Variants in MON2 observed in about 807,000 individuals in gnomAD.
MON2 encodes the protein protein MON2 homolog.
A neutral mutation model predicts 208.6 loss-of-function variants in MON2; 84 were observed. That is an observed-to-expected ratio of 0.40 (90% CI 0.34 to 0.48). The LOEUF (loss-of-function observed/expected upper bound fraction) is 0.48, where lower values mean the gene tolerates loss of function less well. Among genes scored for constraint, MON2 ranks in the 20% least tolerant of loss-of-function variants. The pLI, the probability that MON2 is intolerant of heterozygous loss-of-function variation, is 0.59. For missense variants in MON2, 1,611 were observed against 2,015.4 expected, an observed-to-expected ratio of 0.80 and a Z score of 3.84; for synonymous variants, 660 against 694.0, an observed-to-expected ratio of 0.95 and a Z score of 0.77.
chr12:62,523,773 T>C (rs1281993396), intron 8 of MON2, among the ~76,000 whole-genome samples: 1 of 152,172 alleles, frequency 6.6e-6, no homozygotes, highest in African/African-American at 2.4e-5. Context: ...GTCAGCTTAA[T>C]TTTTACCTCC....
rs537801195 is a variant in MON2, at chr12:62,520,430, G to A, written c.985-4085G>A. Among the ~76,000 whole-genome samples, 665 of 76,420 alleles carry A rather than the reference G, an allele frequency of 8.7e-3. 7 individuals carry two copies. The highest frequency in any genetic ancestry group is 0.041 in the African/African-American group (631 of 15,428). The allele number at this position is 76,420 out of a possible 152,430, so 50.1% of individuals were successfully genotyped here. On this transcript the variant is annotated intron_variant, in intron 8 of 34. Coordinates refer to ENST00000393630, the MANE Select transcript of MON2 (RefSeq NM_015026.3). ...AGTTGTTTACCCTAAAGTGACAGGC[G>A]TACTTTATTTTTGAGAAACTGTTTG...
intron 14 of MON2, among the ~76,000 whole-genome samples, chr12:62,536,485 A>T (rs756469887): frequency 2.0e-5 from 3 of 152,090 alleles, no homozygotes; most frequent in Non-Finnish European, 4.4e-5. Flanking sequence ...ACATGCTAAT[A>T]CTCAGTTTTC....
At chr12:62,525,899 G>A (rs1183284837) in intron 10 of MON2, 50 bp from the exon 11 acceptor site, 1 of 1,565,536 alleles carries the variant, frequency 6.4e-7, no homozygotes, top group East Asian at 2.3e-5. Flanking sequence ...CTGATTTGTA[G>A]TCAAGTAGTA....
In MON2 at chr12:62,470,363, A is replaced by G. The variant is rs149644718; in HGVS notation, c.111+3045A>G. On this transcript the variant is annotated intron_variant, in intron 1 of 34. Transcript: ENST00000393630. ...TGGTTTTTCCTACCTTACTGTTTTC[A>G]TTTATAACTCTATCCTTTGTATATT... is the stretch of plus-strand genomic sequence containing the variant. 3.3e-3 allele frequency among the ~76,000 whole-genome samples: 506 copies of G among 152,268 alleles called. 14 individuals carry two copies. The highest frequency in any genetic ancestry group is 0.03 in the Admixed American group (465 of 15,286).
intron 1 of MON2, chr12:62,470,734 G>T: frequency 8.6e-7 from 1 of 1,166,758 alleles, no homozygotes. Context: ...GAGCCTGGAA[G>T]TTGGAGGAGG....
chr12:62,595,498 G>A lies in MON2; in HGVS notation c.*2749G>A, dbSNP rs1444495436. On this transcript the variant is annotated 3_prime_UTR_variant, in exon 35 of 35. Transcript: ENST00000393630. ...TCACTTGCTGTCACTGCCAGTGCCT[G>A]TTTTATTCATATTGCTGGACAACAG... The A allele has an allele frequency of 6.6e-6, 1 of 152,106 alleles. No individual in the cohort carries two copies. The highest frequency in any genetic ancestry group is 1.5e-5 in the Non-Finnish European group (1 of 68,022). 9.4% of individuals were successfully genotyped at this position (152,106 alleles called of 1,614,324 possible).
intron 24 of MON2, 118 bp downstream of exon 24, chr12:62,553,292 G>C (rs1361486515): frequency 2.1e-6 from 2 of 954,366 alleles, no homozygotes; most frequent in African/African-American, 3.4e-5. Flanking sequence ...TTGTGTATTT[G>C]ACAAAACAGG....
chr12:62,552,436 A>G (rs183692089), intron 23 of MON2, among the ~76,000 whole-genome samples: 237 of 146,910 alleles, frequency 1.6e-3, no homozygotes, highest in African/African-American at 6.1e-3. Flanking sequence ...TTAATATAAG[A>G]TATGTTTGGA....
At chr12:62,495,225 G>C in intron 4 of MON2, 78 bp downstream of exon 4, 1 of 1,372,252 alleles carries the variant, frequency 7.3e-7, no homozygotes, top group East Asian at 2.4e-5. Context: ...GAAAAGCTTG[G>C]TGCCATTTGA....
intron 1 of MON2, among the ~76,000 whole-genome samples, chr12:62,480,232 A>C (rs1484490975): frequency 6.6e-6 from 1 of 152,246 alleles, no homozygotes; most frequent in East Asian, 1.9e-4. Flanking sequence ...AATACTGGTT[A>C]CGTATCTTTT....
Position 62,467,182 on chromosome 12 carries a change from GA to G in MON2, c.-23del. ...TGCCAGAGCTTGTTTGTACCTCTCG[GA>G]AATTGGCTGGGACCTTGGAGGATCA... On this transcript the variant is annotated 5_prime_UTR_variant, in exon 1 of 35. Coordinates refer to ENST00000393630, the MANE Select transcript of MON2 (RefSeq NM_015026.3). The G allele has an allele frequency of 6.2e-7, 1 of 1,603,606 alleles. No individual in the cohort carries two copies. The highest frequency in any genetic ancestry group is 8.5e-7 in the Non-Finnish European group (1 of 1,175,914).
Position 62,565,278 on chromosome 12 carries a change from A to G in MON2, c.4074A>G (p.Pro1358=), listed in dbSNP as rs1459024797. The G allele has an allele frequency of 6.2e-7, 1 of 1,613,126 alleles. No individual in the cohort carries two copies. The highest frequency in any genetic ancestry group is 1.3e-5 in the African/African-American group (1 of 74,888). Residue 1358 remains proline (P), a synonymous_variant, in exon 27 of 35, where the codon CCA becomes CCG. Coordinates refer to ENST00000393630, the MANE Select transcript of MON2 (RefSeq NM_015026.3). The stretch of plus-strand genomic sequence containing the variant: ...CAGAAAACATGCAGATAATGTATCC[A>G]GCTATATTTGACCAGTTGTTGGCAT... ...VGPENMQIMY[P]AIFDQLLAFV... is the part of the protein sequence containing the mutation.
In MON2 at chr12:62,524,503, A is replaced by G. The variant is rs776478642; in HGVS notation, c.985-12A>G. 3.8e-6 allele frequency: 6 copies of G among 1,588,868 alleles called. No homozygotes were observed. In the Admixed American group the frequency reaches 1.0e-4, roughly 27 times the overall value. On this transcript the variant is annotated splice_polypyrimidine_tract_variant and intron_variant, in intron 8 of 34. Transcript: ENST00000393630. ...ATTCAAAGAAATAGTATTAAAAATCATATATTTTTAGGTAACTGAATGTGA... is the reference window on the plus strand; with the variant it reads ...ATTCAAAGAAATAGTATTAAAAATCGTATATTTTTAGGTAACTGAATGTGA...
chr12:62,560,646 C>T lies in MON2; in HGVS notation c.3565C>T (p.Pro1189Ser), dbSNP rs765166385. Reference protein sequence around the residue: ...VRDSDKPETPPVVNVPVPVLI... With the variant: ...VRDSDKPETPSVVNVPVPVLI... The stretch of plus-strand genomic sequence containing the variant: ...AGACTCAGATAAGCCTGAGACACCA[C>T]CTGTAGTTAATGTACCTGTGCCTGT... Residue 1189 changes from proline to serine, a missense_variant, in exon 26 of 35, where the codon CCT becomes TCT. Transcript: ENST00000393630. The T allele has an allele frequency of 1.2e-6, 2 of 1,613,944 alleles. No individual in the cohort carries two copies. The highest frequency in any genetic ancestry group is 1.3e-5 in the African/African-American group (1 of 74,890).
At chr12:62,546,686 G>A (rs540416148) in intron 21 of MON2, among the ~76,000 whole-genome samples, 8 of 152,274 alleles carry the variant, frequency 5.3e-5, no homozygotes, top group South Asian at 4.1e-4. Context: ...CCAAGGAGAC[G>A]GAGGTTGCAG....
chr12:62,499,124 T>C (rs977159614), intron 5 of MON2, 76 bp downstream of exon 5: 6 of 1,493,038 alleles, frequency 4.0e-6, no homozygotes, highest in Non-Finnish European at 5.4e-6. Context: ...CGGCCTTTGC[T>C]CAGATGATCA....
At position 62,526,567 on chromosome 12, in the gene MON2, G is replaced by A. The variant is rs181229843; in HGVS notation, c.1400+465G>A. 1.1e-3 allele frequency among the ~76,000 whole-genome samples: 161 copies of A among 152,074 alleles called. 2 individuals carry two copies. Among genetic ancestry groups the A allele is most frequent in the African/African-American group, 3.7e-3 (153 of 41,494 alleles). On this transcript the variant is annotated intron_variant, in intron 11 of 34. Coordinates refer to ENST00000393630, the MANE Select transcript of MON2 (RefSeq NM_015026.3). ...TTTTAAGTGCTTATCTAATCATATT[G>A]TTAGGGTTAAACACATGAAAATTTT...
chr12:62,592,864 G>C lies in MON2; in HGVS notation c.*115G>C, dbSNP rs950267624. ...AGATAATTCTTGGCAGCTGTTGTTG[G>C]CCTCCTTTAAATTCTACTTACCTGA... is the stretch of plus-strand genomic sequence containing the variant. On this transcript the variant is annotated 3_prime_UTR_variant, in exon 35 of 35. Transcript: ENST00000393630. 9.0e-7 allele frequency: 1 copy of C among 1,110,176 alleles called. No homozygotes were observed. The allele number at this position is 1,110,176 out of a possible 1,614,324, so 68.8% of individuals were successfully genotyped here.
intron 22 of MON2, among the ~76,000 whole-genome samples, chr12:62,548,930 G>A (rs1182166458): frequency 2.6e-5 from 4 of 152,044 alleles, no homozygotes; most frequent in Non-Finnish European, 5.9e-5. Flanking sequence ...ATACAGTACG[G>A]ATATAAAAGA....
Sources: allele counts gnomAD v4.1 joint callset (sites outside exome capture counted in the v4.1 genomes callset), GRCh38; gene constraint gnomAD v4.1.1; transcripts MANE v1.5; gene names NCBI Gene and HGNC (gene_info 2026-07-23, HGNC 2026-07-21).